The following MSANTD2 variants were observed in gnomAD, a reference collection of about 807,000 sequenced individuals.
MSANTD2 encodes the protein myb/SANT-like DNA-binding domain-containing protein 2.
In MSANTD2, 19 loss-of-function variants were observed where a neutral mutation model predicts 52.6. The ratio of observed to expected loss-of-function variants is 0.36; its 90% CI spans 0.25 to 0.53. The LOEUF (loss-of-function observed/expected upper bound fraction) is 0.53, where lower values mean the gene tolerates loss of function less well. Among genes scored for constraint, MSANTD2 ranks in the 20% least tolerant of loss-of-function variants. The probability of loss-of-function intolerance (pLI) is 0.91; values close to 1 mark genes in which losing one functional copy is unlikely to be tolerated. For missense variants in MSANTD2, 558 were observed against 716.3 expected (o/e 0.78, Z 2.52); for synonymous variants, 291 against 289.7 (o/e 1.00, Z -0.04).
chr11:124,785,096 T>C (rs575822224), intron 1 of MSANTD2, among the ~76,000 whole-genome samples: 7 of 152,362 alleles, frequency 4.6e-5, no homozygotes, highest in African/African-American at 1.7e-4. Flanking sequence ...ACTATTTTTA[T>C]AGCTCATTTG....
chr11:124,799,843 C>G lies in MSANTD2; in HGVS notation c.510+28G>C, dbSNP rs758355955. 4.6e-6 allele frequency: 7 copies of G among 1,537,440 alleles called. No homozygotes were observed. The South Asian group carries it at 7.0e-5, about 15-fold the overall frequency. ...CCCCGCCTTCTCTCTGCCTCTGGTTCGCTGCCCCAGGCCGGGCGGCCGGTT... is the reference window on the plus strand; with the variant it reads ...CCCCGCCTTCTCTCTGCCTCTGGTTGGCTGCCCCAGGCCGGGCGGCCGGTT... On this transcript the variant is annotated intron_variant, in intron 1 of 3. Coordinates refer to ENST00000374979, the MANE Select transcript of MSANTD2 (RefSeq NM_001308027.2).
chr11:124,785,622 A>G (rs1488953777), intron 1 of MSANTD2, among the ~76,000 whole-genome samples: 2 of 152,206 alleles, frequency 1.3e-5, no homozygotes, highest in Non-Finnish European at 2.9e-5. Context: ...TGGGTGAGAC[A>G]GTTGCCTTGG....
chr11:124,800,139 G>C lies in MSANTD2; in HGVS notation c.242C>G (p.Ser81Cys). Residue 81 changes from serine (S) to cysteine (C), a missense_variant, in exon 1 of 4, where the codon TCC becomes TGC. Transcript: ENST00000374979. This position sits in a 1 kb window ranked among gnomAD's most constrained non-coding sequence, Gnocchi z 4.3. ...GCCACCGCCGCCACCAGGGGAGAAG[G>C]AGACCGAGGACGAGGCGGCGCTGCG... The part of the protein sequence containing the change: ...GGRSAASSSV[S>C]FSPGGGGGGA... 2.0e-6 allele frequency: 3 copies of C among 1,479,634 alleles called. No individual in the cohort carries two copies. Among genetic ancestry groups the C allele is most frequent in the Non-Finnish European group, 2.7e-6 (3 of 1,123,748 alleles). The allele number at this position is 1,479,634 out of a possible 1,614,324, so 91.7% of individuals were successfully genotyped here. A position where few individuals can be genotyped will look rare whatever the true frequency, so the allele number is the denominator to read the frequency against.
rs1287667193 is a variant in MSANTD2 at position 124,770,778 on chromosome 11, TG to T, written c.827+2215del. Among the ~76,000 whole-genome samples, 3 of 136,860 alleles carry T rather than the reference TG, an allele frequency of 2.2e-5. No individual in the cohort carries two copies. The East Asian group carries it at 6.2e-4, about 28-fold the overall frequency. The allele number at this position is 136,860 out of a possible 152,430, so 89.8% of individuals were successfully genotyped here. On this transcript the variant is annotated intron_variant, in intron 3 of 3. Transcript: ENST00000374979. The stretch of plus-strand genomic sequence containing the variant: ...GTGCCACCACGCCCAGCTAATTTTT[TG>T]GTTTTTTTTTTTTTTTTTGAGACAG...
intron 1 of MSANTD2, chr11:124,791,203 G>C (rs1945321891): frequency 8.2e-7 from 1 of 1,219,752 alleles, no homozygotes; most frequent in Admixed American, 1.8e-5. Context: ...GCATGTGAGG[G>C]ACATTTGGAG....
At chr11:124,791,507 T>C (rs1945331246) in intron 1 of MSANTD2, 4 of 1,097,776 alleles carry the variant, frequency 3.6e-6, no homozygotes, top group African/African-American at 3.1e-5. Flanking sequence ...AGGGCAAGAG[T>C]TGGAGAAGGG....
intron 1 of MSANTD2, chr11:124,789,243 T>G (rs1354490614): frequency 1.3e-5 from 2 of 152,218 alleles, no homozygotes; most frequent in African/African-American, 2.4e-5. Flanking sequence ...AAAGCAGTTT[T>G]GGGTAGATAT....
intron 3 of MSANTD2, among the ~76,000 whole-genome samples, chr11:124,768,885 A>G (rs1327527331): frequency 6.6e-6 from 1 of 152,254 alleles, no homozygotes; most frequent in African/African-American, 2.4e-5. Flanking sequence ...GGCTGCTTAA[A>G]TCATGTAATT....
intron 1 of MSANTD2, chr11:124,791,180 T>G: frequency 9.6e-7 from 1 of 1,044,200 alleles, no homozygotes; most frequent in Non-Finnish European, 1.5e-6. Flanking sequence ...GGTTTCAGGT[T>G]GGAAGAATGG....
chr11:124,767,619 G>A lies in MSANTD2; in HGVS notation c.1237C>T (p.Pro413Ser), dbSNP rs1944349736. 1.2e-6 allele frequency: 2 copies of A among 1,614,170 alleles called. No individual in the cohort carries two copies. The highest frequency in any genetic ancestry group is 1.7e-6 in the Non-Finnish European group (2 of 1,180,022). Residue 413 changes from proline to serine, a missense_variant, in exon 4 of 4, where the codon CCT (proline) becomes TCT (serine). Coordinates refer to ENST00000374979, the MANE Select transcript of MSANTD2 (RefSeq NM_001308027.2). The surrounding 1 kb of genome is among the most constrained non-coding windows in gnomAD (Gnocchi z 6.5). ...CCTGGGCTTTTAGGAATACCCCCAGGCAATAAATATTGAACAACATTCCCA... is the reference window on the plus strand; with the variant it reads ...CCTGGGCTTTTAGGAATACCCCCAGACAATAAATATTGAACAACATTCCCA... ...TGGNVVQYLL[P>S]GGIPKSPGLY...
At chr11:124,798,918 G>A (rs759773025) in intron 1 of MSANTD2, among the ~76,000 whole-genome samples, 156 of 152,248 alleles carry the variant, frequency 1.0e-3, no homozygotes, top group Middle Eastern at 3.4e-3. Context: ...CTACGATGAG[G>A]AAATGAGCTT....
At chr11:124,786,908 T>C (rs373990361) in intron 1 of MSANTD2, among the ~76,000 whole-genome samples, 1 of 152,208 alleles carries the variant, frequency 6.6e-6, no homozygotes, top group African/African-American at 2.4e-5. Context: ...AAAGGTGATA[T>C]AAGCAAGTGG....
rs973996287 is a variant in MSANTD2 at position 124,773,308 on chromosome 11, G to A, written c.767-254C>T. On this transcript the variant is annotated intron_variant, in intron 2 of 3. Transcript: ENST00000374979. ...AGGTCACCAGTGGATTTCTAGCTAG[G>A]AGCTTAAAGCTTAATTTCACTGCAG... 15 of 296,600 alleles carry A rather than the reference G, an allele frequency of 5.1e-5. 1 individual carries two copies. The highest frequency in any genetic ancestry group is 2.8e-4 in the African/African-American group (13 of 45,798). The allele number at this position is 296,600 out of a possible 1,614,324, so 18.4% of individuals were successfully genotyped here.
At chr11:124,782,974 C>T (rs185402273) in intron 1 of MSANTD2, among the ~76,000 whole-genome samples, 4 of 152,180 alleles carry the variant, frequency 2.6e-5, no homozygotes, top group African/African-American at 9.6e-5. Context: ...TTTCTTTGGG[C>T]GGGCAGGCCA....
intron 1 of MSANTD2, among the ~76,000 whole-genome samples, chr11:124,794,651 T>C (rs1298361478): frequency 6.6e-6 from 1 of 152,198 alleles, no homozygotes; most frequent in Non-Finnish European, 1.5e-5. Context: ...TCAGGGACAA[T>C]GAGAGCTTTT....
Position 124,782,482 on chromosome 11 carries a change from A to G in MSANTD2, c.511-7508T>C, listed in dbSNP as rs979432672. ...AAAAATAAAAATAGAAAAACGTAAT[A>G]CAAGTTCTGAACATAAAAGAACCTC... On this transcript the variant is annotated intron_variant, in intron 1 of 3. Coordinates refer to ENST00000374979, the MANE Select transcript of MSANTD2 (RefSeq NM_001308027.2). Among the ~76,000 whole-genome samples, 8 of 152,188 alleles carry G rather than the reference A, an allele frequency of 5.3e-5. No individual in the cohort carries two copies. The East Asian group carries it at 1.2e-3, about 22-fold the overall frequency.
intron 3 of MSANTD2, among the ~76,000 whole-genome samples, chr11:124,770,317 T>TG (rs201015089): frequency 1.3e-5 from 1 of 77,322 alleles, no homozygotes; most frequent in East Asian, 3.5e-4. Flanking sequence ...TTTGTTTGTT[T>TG]TTTTTTTTTT....
intron 1 of MSANTD2, chr11:124,775,236 C>T: frequency 6.2e-6 from 2 of 322,506 alleles, no homozygotes; most frequent in Non-Finnish European, 5.7e-6. Context: ...ATTGCATGTA[C>T]CCCATACACA....
intron 1 of MSANTD2, among the ~76,000 whole-genome samples, chr11:124,797,663 TA>T (rs1398838460): frequency 6.6e-6 from 1 of 152,168 alleles, no homozygotes; most frequent in Non-Finnish European, 1.5e-5. Flanking sequence ...TGAAATCACA[TA>T]AAGAGTAGAG....
Sources: allele counts gnomAD v4.1 joint callset (sites outside exome capture counted in the v4.1 genomes callset), GRCh38; gene constraint gnomAD v4.1.1; non-coding constraint Gnocchi (gnomAD v3.1); transcripts MANE v1.5; gene names NCBI Gene and HGNC (gene_info 2026-07-23, HGNC 2026-07-21).